ADGRB3: variants seen among roughly 807,000 people sequenced by gnomAD.
The protein encoded by ADGRB3 is adhesion G protein-coupled receptor B3.
In ADGRB3, 37 loss-of-function variants were observed where a neutral mutation model predicts 193.4. The observed-to-expected ratio is 0.19, with a 90% CI of 0.15 to 0.25. ADGRB3 has a LOEUF of 0.25. Ranked by LOEUF, ADGRB3 falls within the 10% of genes least tolerant of loss-of-function variation. The pLI is 1.00. For synonymous variants in ADGRB3, 690 were observed against 644.2 expected (o/e 1.07, Z -1.08); for missense variants, 1,637 against 1,852.9 (o/e 0.88, Z 2.14).
chr6:68,913,783 T>TA (rs1383561089), intron 3 of ADGRB3, among the ~76,000 whole-genome samples: 1 of 152,062 alleles, frequency 6.6e-6, no homozygotes, highest in Non-Finnish European at 1.5e-5. Context: ...GCAAAGAAGT[T>TA]AAAAACTTTG....
In ADGRB3 at chr6:69,251,820, T is replaced by TA. The variant is rs1386501469; in HGVS notation, c.2814+12595dup. Among the ~76,000 whole-genome samples the TA allele has an allele frequency of 2.0e-5, 3 of 152,156 alleles. No homozygotes were observed. In the South Asian group the frequency reaches 6.2e-4, roughly 31 times the overall value. ...ATTTACTCCTTTAGCAAATTTCAAA[T>TA]ATGCAATGCATTATTATCAACTAAG... On this transcript the variant is annotated intron_variant, in intron 20 of 31. Coordinates refer to ENST00000370598, the MANE Select transcript of ADGRB3 (RefSeq NM_001704.3).
At chr6:69,015,749 A>T (rs1770070021) in intron 12 of ADGRB3, among the ~76,000 whole-genome samples, 1 of 151,894 alleles carries the variant, frequency 6.6e-6, no homozygotes, top group Non-Finnish European at 1.5e-5. Flanking sequence ...TCTTTCGAAT[A>T]GTCATTTCAG....
At chr6:69,146,272 C>T (rs922848301) in intron 17 of ADGRB3, among the ~76,000 whole-genome samples, 6 of 152,196 alleles carry the variant, frequency 3.9e-5, no homozygotes, top group Non-Finnish European at 5.9e-5. Context: ...CATGAGTACA[C>T]CTGGCCAGGT....
chr6:68,883,007 C>T (rs905533653), intron 3 of ADGRB3, among the ~76,000 whole-genome samples: 1 of 152,106 alleles, frequency 6.6e-6, no homozygotes, highest in East Asian at 1.9e-4. Flanking sequence ...CATTCTCCTG[C>T]CTCAGCCTCC....
chr6:69,034,883 G>A (rs1477304314), intron 13 of ADGRB3, among the ~76,000 whole-genome samples: 1 of 151,914 alleles, frequency 6.6e-6, no homozygotes, highest in Non-Finnish European at 1.5e-5. Flanking sequence ...ATCATAGAGT[G>A]TGTGTTTGTG....
intron 26 of ADGRB3, among the ~76,000 whole-genome samples, chr6:69,351,261 T>G (rs1769220342): frequency 6.6e-6 from 1 of 150,886 alleles, no homozygotes; most frequent in Admixed American, 6.6e-5. Context: ...CCCTGCTAAT[T>G]TTTGTATTTT....
chr6:69,090,739 A>T (rs1772682115), intron 17 of ADGRB3, among the ~76,000 whole-genome samples: 1 of 152,204 alleles, frequency 6.6e-6, no homozygotes, highest in Non-Finnish European at 1.5e-5. Flanking sequence ...AGGTTAATTA[A>T]CAACTTACCT....
At chr6:68,658,519 C>T (rs1768544727) in intron 3 of ADGRB3, among the ~76,000 whole-genome samples, 1 of 151,192 alleles carries the variant, frequency 6.6e-6, no homozygotes, top group African/African-American at 2.4e-5. Context: ...AAGCCTATTG[C>T]TCAAAGAATT....
intron 3 of ADGRB3, among the ~76,000 whole-genome samples, chr6:68,772,613 G>A (rs1419712939): frequency 1.3e-5 from 2 of 151,940 alleles, no homozygotes; most frequent in East Asian, 3.9e-4. Flanking sequence ...ACTCTAATGA[G>A]AAAAGTCAAG....
intron 20 of ADGRB3, among the ~76,000 whole-genome samples, chr6:69,251,480 C>CACACA (rs1766618581): frequency 6.6e-6 from 1 of 152,046 alleles, no homozygotes; most frequent in Admixed American, 6.6e-5. Context: ...GAATACAGTG[C>CACACA]CTGGCACATA....
chr6:69,041,595 A>G (rs1771073014), intron 13 of ADGRB3, among the ~76,000 whole-genome samples: 1 of 151,384 alleles, frequency 6.6e-6, no homozygotes, highest in Non-Finnish European at 1.5e-5. Flanking sequence ...AATGATAAAG[A>G]TGTTGCTAAT....
At chr6:69,364,032 G>T (rs1326680140) in intron 29 of ADGRB3, among the ~76,000 whole-genome samples, 1 of 151,970 alleles carries the variant, frequency 6.6e-6, no homozygotes, top group Non-Finnish European at 1.5e-5. Flanking sequence ...CTAAGCAATA[G>T]GACAATTTAA....
intron 20 of ADGRB3, among the ~76,000 whole-genome samples, chr6:69,321,977 ATTAG>A (rs1448046670): frequency 5.3e-5 from 8 of 151,888 alleles, no homozygotes; most frequent in Non-Finnish European, 1.0e-4. Context: ...CCTAGTACCA[ATTAG>A]TTATTTTTCC....
At chr6:68,649,579 T>G (rs184821279) in intron 3 of ADGRB3, among the ~76,000 whole-genome samples, 1 of 152,268 alleles carries the variant, frequency 6.6e-6, no homozygotes, top group East Asian at 1.9e-4. Flanking sequence ...ACGATTGATT[T>G]TTAGTCTAAG....
chr6:68,998,512 A>G (rs1306704517), intron 11 of ADGRB3, among the ~76,000 whole-genome samples: 1 of 152,236 alleles, frequency 6.6e-6, no homozygotes, highest in Admixed American at 6.5e-5. Flanking sequence ...TTCCATTAAA[A>G]TGGGCACAGT....
intron 17 of ADGRB3, among the ~76,000 whole-genome samples, chr6:69,173,077 G>A (rs991843392): frequency 4.3e-4 from 65 of 152,218 alleles, no homozygotes; most frequent in African/African-American, 1.4e-3. Flanking sequence ...TCACTCTGTC[G>A]CCCAGGCTAG....
chr6:69,315,003 T>C (rs1187507559), intron 20 of ADGRB3, among the ~76,000 whole-genome samples: 1 of 151,530 alleles, frequency 6.6e-6, no homozygotes, highest in Admixed American at 6.6e-5. Context: ...TTGGAAATGG[T>C]GCATTTCTCT....
intron 3 of ADGRB3, among the ~76,000 whole-genome samples, chr6:68,651,759 C>T (rs1343632059): frequency 1.3e-5 from 2 of 152,064 alleles, no homozygotes; most frequent in Non-Finnish European, 2.9e-5. Flanking sequence ...GGGCAGAAAG[C>T]CTAAAGCCGT....
chr6:69,342,661 G>A (rs1446941214), intron 26 of ADGRB3, among the ~76,000 whole-genome samples: 1 of 152,008 alleles, frequency 6.6e-6, no homozygotes, highest in Non-Finnish European at 1.5e-5. Context: ...TATCCTCTGT[G>A]TCTCCACTGA....
Sources: gnomAD v4.1 joint callset for allele counts (sites outside exome capture counted in the v4.1 genomes callset) on GRCh38, gnomAD v4.1.1 for gene constraint, MANE v1.5 for transcripts, NCBI Gene and HGNC (gene_info 2026-07-23, HGNC 2026-07-21) for gene names.